The following FOCAD variants were observed in gnomAD, a reference collection of about 807,000 sequenced individuals.
FOCAD encodes the protein KIAA1797.
FOCAD carries 198 observed loss-of-function variants against 225.6 expected under a neutral mutation model. The observed-to-expected ratio is 0.88, with a 90% CI of 0.78 to 0.99. FOCAD has a LOEUF of 0.99. FOCAD is among the 50% of genes least tolerant of loss of function. FOCAD has a pLI of 0.00. For synonymous variants in FOCAD, 897 were observed against 755.0 expected (o/e 1.19, Z -3.08); for missense variants, 2,713 against 2,123.6 (o/e 1.28, Z -5.46).
chr9:20,794,910 A>G (rs1255646070), intron 11 of FOCAD, among the ~76,000 whole-genome samples: 6 of 152,202 alleles, frequency 3.9e-5, no homozygotes, highest in African/African-American at 9.6e-5. Context: ...CAATATTTCA[A>G]TAATTTTTTT....
intron 2 of FOCAD, among the ~76,000 whole-genome samples, chr9:20,669,298 G>C (rs540976050): frequency 6.6e-6 from 1 of 152,144 alleles, no homozygotes. Flanking sequence ...AATTGAGCTA[G>C]TTTGAAGGGA....
chr9:20,982,475 T>C lies in FOCAD; in HGVS notation c.4728+29T>C, dbSNP rs746093050. The C allele has an allele frequency of 3.2e-6, 5 of 1,549,168 alleles. No homozygotes were observed. In the East Asian group the frequency reaches 1.1e-4, roughly 35 times the overall value. On this transcript the variant is annotated intron_variant, in intron 39 of 43. Transcript: ENST00000338382. Reference sequence around the variant, plus strand: ...ATAACATATCTTTCTATACCTTTTTTCATTATTGAGCCAGAAATTACGATT... The same window carrying C: ...ATAACATATCTTTCTATACCTTTTTCCATTATTGAGCCAGAAATTACGATT...
At chr9:20,888,021 C>G (rs1831253174) in intron 21 of FOCAD, among the ~76,000 whole-genome samples, 1 of 147,920 alleles carries the variant, frequency 6.8e-6, no homozygotes. Context: ...GATCTTCTGC[C>G]CATTTTTAGA....
intron 1 of FOCAD, chr9:20,694,705 A>G (rs1003003575): frequency 1.3e-5 from 2 of 152,236 alleles, no homozygotes; most frequent in African/African-American, 4.8e-5. Context: ...TAATTTCAAC[A>G]ACATCAACAT....
intron 18 of FOCAD, chr9:20,874,377 A>G (rs964075039): frequency 4.6e-6 from 1 of 217,284 alleles, no homozygotes; most frequent in African/African-American, 2.3e-5. Flanking sequence ...TTTGGATGGT[A>G]TAGAATTTTA....
chr9:20,728,435 A>G (rs1826394656), intron 4 of FOCAD, among the ~76,000 whole-genome samples: 1 of 152,210 alleles, frequency 6.6e-6, no homozygotes, highest in African/African-American at 2.4e-5. Flanking sequence ...TTTTGTCTGT[A>G]GCCTGTCACA....
chr9:20,850,216 T>A (rs1827515389), intron 15 of FOCAD, among the ~76,000 whole-genome samples: 1 of 151,760 alleles, frequency 6.6e-6, no homozygotes, highest in South Asian at 2.1e-4. Context: ...AATAGCAGAC[T>A]CTGAACCATT....
intron 1 of FOCAD, among the ~76,000 whole-genome samples, chr9:20,705,032 C>A (rs986862084): frequency 6.6e-6 from 1 of 152,142 alleles, no homozygotes; most frequent in African/African-American, 2.4e-5. Context: ...ACTCTGTGAC[C>A]TTGGGAAAGT....
At chr9:20,925,589 G>T (rs1834860975) in intron 25 of FOCAD, among the ~76,000 whole-genome samples, 1 of 152,200 alleles carries the variant, frequency 6.6e-6, no homozygotes, top group African/African-American at 2.4e-5. Context: ...AAGATTTGAA[G>T]ATGTGACAGC....
At chr9:20,849,531 G>A (rs965708939) in intron 15 of FOCAD, among the ~76,000 whole-genome samples, 3 of 151,708 alleles carry the variant, frequency 2.0e-5, no homozygotes, top group Non-Finnish European at 4.4e-5. Context: ...TTTACATATA[G>A]TTTTAATTTT....
chr9:20,920,104 A>G (rs1257926990), intron 24 of FOCAD, among the ~76,000 whole-genome samples: 1 of 151,854 alleles, frequency 6.6e-6, no homozygotes, highest in Non-Finnish European at 1.5e-5. Context: ...ATGAACTCAA[A>G]CAAATTCACA....
intron 16 of FOCAD, 47 bp downstream of exon 16, chr9:20,862,759 A>G: frequency 6.3e-7 from 1 of 1,577,728 alleles, no homozygotes; most frequent in Non-Finnish European, 8.6e-7. Flanking sequence ...CATGGGAAAG[A>G]TGTGTGTTAT....
At chr9:20,869,899 A>C (rs966193192) in intron 18 of FOCAD, among the ~76,000 whole-genome samples, 1 of 152,184 alleles carries the variant, frequency 6.6e-6, no homozygotes, top group Non-Finnish European at 1.5e-5. Context: ...CTTTGAGGAC[A>C]TGTTGATTGT....
At chr9:20,827,849 A>C (rs375281240) in intron 15 of FOCAD, among the ~76,000 whole-genome samples, 2 of 152,204 alleles carry the variant, frequency 1.3e-5, no homozygotes, top group East Asian at 3.9e-4. Flanking sequence ...AGGTTAATAA[A>C]ATTTTATTTT....
intron 4 of FOCAD, among the ~76,000 whole-genome samples, chr9:20,739,831 G>A (rs1827462640): frequency 1.3e-5 from 2 of 151,912 alleles, no homozygotes; most frequent in South Asian, 4.2e-4. Flanking sequence ...TTGCTTCCCT[G>A]GCCCACTTTT....
chr9:20,807,265 C>T (rs1822558557), intron 11 of FOCAD, among the ~76,000 whole-genome samples: 2 of 152,228 alleles, frequency 1.3e-5, no homozygotes, highest in African/African-American at 2.4e-5. Context: ...CCTTGCCCCT[C>T]TGGGGCTATC....
chr9:20,933,275 G>T (rs1835657660), intron 28 of FOCAD, among the ~76,000 whole-genome samples, 172 bp downstream of exon 28: 1 of 152,162 alleles, frequency 6.6e-6, no homozygotes, highest in South Asian at 2.1e-4. Flanking sequence ...GGTGATTTGT[G>T]AGATTTTGGT....
intron 18 of FOCAD, 147 bp downstream of exon 18, chr9:20,867,159 T>A: frequency 1.9e-6 from 1 of 531,146 alleles, no homozygotes; most frequent in Non-Finnish European, 3.3e-6. Flanking sequence ...ATACCCATTA[T>A]TTGTTTATAT....
At chr9:20,724,198 C>G (rs1586946405) in intron 4 of FOCAD, among the ~76,000 whole-genome samples, 1 of 152,172 alleles carries the variant, frequency 6.6e-6, no homozygotes, top group Non-Finnish European at 1.5e-5. Flanking sequence ...TTTCAGAACT[C>G]ATTCTATAAA....
Sources: allele counts gnomAD v4.1 joint callset (sites outside exome capture counted in the v4.1 genomes callset), GRCh38; gene constraint gnomAD v4.1.1; transcripts MANE v1.5; gene names NCBI Gene and HGNC (gene_info 2026-07-23, HGNC 2026-07-21).